TNRC6A: variants seen among roughly 807,000 people sequenced by gnomAD.
The protein encoded by TNRC6A is trinucleotide repeat-containing gene 6A protein.
In TNRC6A, 44 loss-of-function variants were observed where a neutral mutation model predicts 221.2. The observed-to-expected ratio is 0.20, with a 90% CI of 0.16 to 0.26. The LOEUF (loss-of-function observed/expected upper bound fraction) is 0.26. TNRC6A is among the 10% of genes least tolerant of loss of function. TNRC6A has a pLI of 1.00. For synonymous variants in TNRC6A, 847 were observed against 838.5 expected (o/e 1.01, Z -0.18); for missense variants, 2,199 against 2,404.4 (o/e 0.91, Z 1.79).
At chr16:24,723,910 C>T (rs867849860) in intron 2 of TNRC6A, among the ~76,000 whole-genome samples, 4 of 152,124 alleles carry the variant, frequency 2.6e-5, no homozygotes, top group South Asian at 2.1e-4. Context: ...ACTGCTGTGA[C>T]TATTTATAGT....
At chr16:24,703,918 T>TA (rs2056039446) in intron 2 of TNRC6A, among the ~76,000 whole-genome samples, 1 of 151,754 alleles carries the variant, frequency 6.6e-6, no homozygotes, top group Non-Finnish European at 1.5e-5. Flanking sequence ...ACCCCACCTC[T>TA]ACAAAAGATA....
intron 22 of TNRC6A, among the ~76,000 whole-genome samples, chr16:24,821,636 A>C (rs562087460): frequency 1.4e-4 from 22 of 152,300 alleles, no homozygotes; most frequent in Non-Finnish European, 2.9e-4. Context: ...GAGCCCCTGC[A>C]GTAACCCCGG....
intron 11 of TNRC6A, among the ~76,000 whole-genome samples, chr16:24,800,711 T>C (rs963232227): frequency 6.6e-6 from 1 of 152,190 alleles, no homozygotes; most frequent in African/African-American, 2.4e-5. Context: ...AAGGCATTCA[T>C]GGAGAGGTAT....
rs138492809 is a variant in TNRC6A, at chr16:24,712,536, A to G, written n.403-38190A>G. Among the ~76,000 whole-genome samples, 15 of 151,546 alleles carry G rather than the reference A, an allele frequency of 9.9e-5. 1 individual carries two copies. In the East Asian group the frequency reaches 2.3e-3, roughly 24 times the overall value. ...GTATTATTTTTGTTTAAAACAGTCA[A>G]TTCTCTTTAATGACATTTAGATAAT... On this transcript the variant is annotated intron_variant and non_coding_transcript_variant, in intron 2 of 2. Transcript: ENST00000566108.
chr16:24,796,747 GAAGTAAT>G (rs1567492443), intron 9 of TNRC6A, among the ~76,000 whole-genome samples: 3 of 23,852 alleles, frequency 1.3e-4, no homozygotes, highest in Non-Finnish European at 2.6e-4. Context: ...AAGGGGTAAT[GAAGTAAT>G]GAAGGCAACA....
chr16:24,809,930 A>C (rs965633224), intron 18 of TNRC6A, among the ~76,000 whole-genome samples: 2 of 152,166 alleles, frequency 1.3e-5, no homozygotes, highest in African/African-American at 4.8e-5. Flanking sequence ...CTCCTACCTC[A>C]GCCTCCTGAG....
intron 1 of TNRC6A, among the ~76,000 whole-genome samples, chr16:24,630,247 G>T (rs1422266627): frequency 1.3e-5 from 2 of 152,150 alleles, no homozygotes; most frequent in Non-Finnish European, 2.9e-5. Context: ...AGCCTTGGAT[G>T]TGATCCTATC....
At chr16:24,700,697 G>T (rs1249846242) in intron 2 of TNRC6A, among the ~76,000 whole-genome samples, 1 of 152,112 alleles carries the variant, frequency 6.6e-6, no homozygotes, top group Non-Finnish European at 1.5e-5. Context: ...AGTGCTGACC[G>T]CTGTGCCTGT....
chr16:24,799,070 A>G (rs2058278549), intron 11 of TNRC6A, among the ~76,000 whole-genome samples: 1 of 152,206 alleles, frequency 6.6e-6, no homozygotes, highest in African/African-American at 2.4e-5. Context: ...ATGCTGGTAG[A>G]TGCTGCCAAC....
At chr16:24,734,283 A>G (rs2056712802) in intron 2 of TNRC6A, among the ~76,000 whole-genome samples, 1 of 152,236 alleles carries the variant, frequency 6.6e-6, no homozygotes, top group African/African-American at 2.4e-5. Context: ...TCAAAAATAC[A>G]TAGGAATCTT....
intron 2 of TNRC6A, among the ~76,000 whole-genome samples, chr16:24,648,555 C>T (rs1220777982): frequency 6.6e-6 from 1 of 152,156 alleles, no homozygotes; most frequent in African/African-American, 2.4e-5. Flanking sequence ...CAGGCGTGAG[C>T]CACCGCGCCC....
chr16:24,642,793 C>T (rs1018130297), intron 2 of TNRC6A, among the ~76,000 whole-genome samples: 4 of 151,870 alleles, frequency 2.6e-5, no homozygotes, highest in Non-Finnish European at 5.9e-5. Flanking sequence ...GCACTACAGC[C>T]GGGCGACACA....
chr16:24,761,769 G>A (rs746170045), intron 4 of TNRC6A, among the ~76,000 whole-genome samples: 1 of 151,940 alleles, frequency 6.6e-6, no homozygotes, highest in African/African-American at 2.4e-5. Context: ...AGACTCACAC[G>A]ATCTTCCTGC....
At chr16:24,701,226 C>T (rs1338583677) in intron 2 of TNRC6A, among the ~76,000 whole-genome samples, 1 of 152,182 alleles carries the variant, frequency 6.6e-6, no homozygotes, top group Non-Finnish European at 1.5e-5. Context: ...AATGAGGCTG[C>T]AGGGGACTGC....
intron 2 of TNRC6A, among the ~76,000 whole-genome samples, chr16:24,743,984 G>C (rs975901916): frequency 1.3e-5 from 2 of 152,168 alleles, no homozygotes; most frequent in Non-Finnish European, 2.9e-5. Context: ...TTCAATCGAA[G>C]ATCACAAGTA....
At position 24,618,014 on chromosome 16, in the gene TNRC6A, C is replaced by T. The variant is rs534469745; in HGVS notation, n.276+7530C>T. 6.6e-5 allele frequency among the ~76,000 whole-genome samples: 10 copies of T among 152,332 alleles called. No homozygotes were observed. In the South Asian group the frequency reaches 2.1e-3, roughly 32 times the overall value. On this transcript the variant is annotated intron_variant and non_coding_transcript_variant, in intron 1 of 2. Transcript: ENST00000566108. ...CCAGGTCCAAGCGATTCTCGTGCCTCAGCCATCTTAGTAGCTGGAATTACA... is the reference window on the plus strand; with the variant it reads ...CCAGGTCCAAGCGATTCTCGTGCCTTAGCCATCTTAGTAGCTGGAATTACA...
intron 5 of TNRC6A, among the ~76,000 whole-genome samples, chr16:24,786,647 T>C (rs1279739391): frequency 1.3e-5 from 2 of 151,998 alleles, no homozygotes; most frequent in Non-Finnish European, 2.9e-5. Flanking sequence ...TGCACCACAG[T>C]TGTGTGAGAT....
chr16:24,727,856 T>C (rs1057194207), upstream of TNRC6A, among the ~76,000 whole-genome samples: 19 of 152,136 alleles, frequency 1.2e-4, no homozygotes, highest in Admixed American at 6.5e-5. Context: ...ACCTCAGGGA[T>C]GATAGCAGGA....
chr16:24,660,739 C>CTTTTTTTTTTTTTTTTTTTTTTTTT, intron 2 of TNRC6A, among the ~76,000 whole-genome samples: 124 of 91,304 alleles, frequency 1.4e-3, no homozygotes, highest in African/African-American at 1.6e-3. Context: ...TTTTTTTTTT[C>CTTTTTTTTTTTTTTTTTTTTTTTTT]TTTTTTTTTT....
Sources: gnomAD v4.1 joint callset for allele counts (sites outside exome capture counted in the v4.1 genomes callset) on GRCh38, gnomAD v4.1.1 for gene constraint, MANE v1.5 for transcripts, NCBI Gene and HGNC (gene_info 2026-07-23, HGNC 2026-07-21) for gene names.